The following ATP6V0A1 variants were observed in gnomAD, a reference collection of about 807,000 sequenced individuals.
ATP6V0A1 encodes V-type proton ATPase 116 kDa subunit a 1.
Under a neutral mutation model 105.4 loss-of-function variants are expected in ATP6V0A1, and 43 were observed. The observed-to-expected ratio is 0.41, with a 90% CI of 0.32 to 0.53. The LOEUF is 0.53. Ranked by LOEUF, ATP6V0A1 falls within the 20% of genes least tolerant of loss-of-function variation. The pLI is 0.30. For synonymous variants in ATP6V0A1, 362 were observed against 372.8 expected (o/e 0.97, Z 0.33); for missense variants, 676 against 1,051.1 (o/e 0.64, Z 4.93).
chr17:42,480,524 G>A (rs2089358562), intron 7 of ATP6V0A1, 143 bp from the exon 8 acceptor site: 2 of 623,304 alleles, frequency 3.2e-6, no homozygotes, highest in Non-Finnish European at 5.4e-6. Flanking sequence ...AGGAAATGGA[G>A]TGAGGGCAGT....
chr17:42,503,269 C>T (rs2091814292), intron 17 of ATP6V0A1, among the ~76,000 whole-genome samples: 2 of 152,192 alleles, frequency 1.3e-5, no homozygotes, highest in African/African-American at 2.4e-5. Flanking sequence ...ATTGATTTCC[C>T]TGCACTTTAG....
chr17:42,513,305 T>A (rs2092441206), intron 19 of ATP6V0A1: 1 of 152,686 alleles, frequency 6.5e-6, no homozygotes, highest in African/African-American at 2.4e-5. Flanking sequence ...TCTTTAGAAG[T>A]CACAAAAGAA....
chr17:42,467,979 A>C (rs375046872), intron 3 of ATP6V0A1, 31 bp from the exon 4 acceptor site: 32 of 1,481,098 alleles, frequency 2.2e-5, no homozygotes, highest in Middle Eastern at 1.7e-4. Context: ...ATGTGCAGTT[A>C]GACATGAATG....
Position 42,499,016 on chromosome 17 carries a change from A to C in ATP6V0A1, c.1653A>C (p.Gly551=), listed in dbSNP as rs1450527796. ...TTGGTATCATCCATATGCTGTTTGG[A>C]GTCAGCCTGAGTCTGTTCAACCATA... ...VILGIIHMLF[G]VSLSLFNHIY... Residue 551 remains glycine, a synonymous_variant, in exon 15 of 22, where the codon GGA becomes GGC. Coordinates refer to ENST00000343619, the MANE Select transcript of ATP6V0A1 (RefSeq NM_001130021.3). 1 of 1,609,850 alleles carries C rather than the reference A, an allele frequency of 6.2e-7. No individual in the cohort carries two copies. Among genetic ancestry groups the C allele is most frequent in the South Asian group, 1.1e-5 (1 of 90,964 alleles).
Position 42,480,712 on chromosome 17 carries a change from G to A in ATP6V0A1, c.679G>A (p.Asp227Asn), listed in dbSNP as rs764929128. Residue 227 changes from aspartate to asparagine, a missense_variant, in exon 8 of 22, where the codon GAT (aspartate) becomes AAT (asparagine). By Grantham distance (23) the Asp-to-Asn change is conservative. This residue lies in a region of ATP6V0A1 where 239 missense variants were observed against 388.4 expected (regional missense o/e 0.62). Coordinates refer to ENST00000343619, the MANE Select transcript of ATP6V0A1 (RefSeq NM_001130021.3). ...KSVFIIFFQGDQLKNRVKKIC... is the reference protein window; with the variant it reads ...KSVFIIFFQGNQLKNRVKKIC... ...TGTGTTTATCATTTTCTTCCAAGGC[G>A]ATCAGCTGAAAAACAGAGTCAAGAA... 6.2e-6 allele frequency: 10 copies of A among 1,613,722 alleles called. No homozygotes were observed. The highest frequency in any genetic ancestry group is 3.3e-5 in the Admixed American group (2 of 59,966).
intron 2 of ATP6V0A1, among the ~76,000 whole-genome samples, 167 bp from the exon 3 acceptor site, chr17:42,466,262 T>C (rs2087047349): frequency 6.6e-6 from 1 of 152,224 alleles, no homozygotes. Context: ...CCTTAGCTGG[T>C]GTGACTGGCC....
chr17:42,463,641 T>G (rs1195817010), intron 2 of ATP6V0A1, among the ~76,000 whole-genome samples: 2 of 152,116 alleles, frequency 1.3e-5, no homozygotes, highest in African/African-American at 4.8e-5. Context: ...ATAAAAGTCT[T>G]TTTTTTAGTT....
At chr17:42,464,250 G>A (rs990690976) in intron 2 of ATP6V0A1, among the ~76,000 whole-genome samples, 4 of 152,074 alleles carry the variant, frequency 2.6e-5, no homozygotes, top group Non-Finnish European at 5.9e-5. Context: ...GTTTGTGTCC[G>A]TCTCTTCTGT....
intron 2 of ATP6V0A1, among the ~76,000 whole-genome samples, chr17:42,462,900 A>G (rs2086596873): frequency 6.6e-6 from 1 of 151,510 alleles, no homozygotes; most frequent in South Asian, 2.1e-4. Flanking sequence ...GGTGTGAGCC[A>G]CTGTGCCTGG....
chr17:42,517,349 TC>T (rs996251845), intron 21 of ATP6V0A1, among the ~76,000 whole-genome samples: 3 of 151,474 alleles, frequency 2.0e-5, no homozygotes, highest in African/African-American at 7.3e-5. Flanking sequence ...CTGCCTGGGG[TC>T]CCCCATAAAA....
At chr17:42,503,531 T>G (rs2091836769) in intron 17 of ATP6V0A1, among the ~76,000 whole-genome samples, 1 of 152,212 alleles carries the variant, frequency 6.6e-6, no homozygotes, top group Admixed American at 6.5e-5. Flanking sequence ...TAACAGCACT[T>G]TGAATATTTG....
chr17:42,509,077 A>G (rs1433644352), intron 19 of ATP6V0A1, among the ~76,000 whole-genome samples: 4 of 150,278 alleles, frequency 2.7e-5, no homozygotes, highest in African/African-American at 4.9e-5. Flanking sequence ...TGATGCTTCA[A>G]CTTAGAAGTG....
At chr17:42,491,908 G>A (rs928359236) in intron 11 of ATP6V0A1, among the ~76,000 whole-genome samples, 68 of 152,322 alleles carry the variant, frequency 4.5e-4, no homozygotes, top group Admixed American at 1.0e-3. Flanking sequence ...GCTGGGTGGC[G>A]TGAGCCACTG....
chr17:42,484,847 CTTTTCT>C (rs1216671571), intron 9 of ATP6V0A1, among the ~76,000 whole-genome samples: 27 of 111,742 alleles, frequency 2.4e-4, no homozygotes, highest in African/African-American at 5.7e-4. Context: ...TTTTTCTTTT[CTTTTCT>C]TTTTTTTTTT....
chr17:42,492,868 A>G lies in ATP6V0A1; in HGVS notation c.1175-1466A>G, dbSNP rs576675115. Among the ~76,000 whole-genome samples, 150 of 152,024 alleles carry G rather than the reference A, an allele frequency of 9.9e-4. 1 individual carries two copies. Among genetic ancestry groups the G allele is most frequent in the African/African-American group, 3.5e-3 (144 of 41,438 alleles). On this transcript the variant is annotated intron_variant, in intron 11 of 21. Coordinates refer to ENST00000343619, the MANE Select transcript of ATP6V0A1 (RefSeq NM_001130021.3). The stretch of plus-strand genomic sequence containing the variant: ...CTATCTCTACTAAAAATACAAGAAA[A>G]TTAGCCAGGCCTGGTGGTGCATGCC...
intron 19 of ATP6V0A1, 107 bp from the exon 20 acceptor site, chr17:42,513,754 G>A: frequency 9.5e-7 from 1 of 1,049,264 alleles, no homozygotes; most frequent in Non-Finnish European, 1.5e-6. Context: ...GGGAAGTGCA[G>A]TCCCCTGCCC....
In ATP6V0A1 at chr17:42,501,201, G is replaced by A. The variant is rs755663014; in HGVS notation, c.1901G>A (p.Gly634Glu). Residue 634 changes from glycine (G) to glutamate (E), a missense_variant, in exon 17 of 22, where the codon GGA becomes GAA. Coordinates refer to ENST00000343619, the MANE Select transcript of ATP6V0A1 (RefSeq NM_001130021.3). ...GTCCTTCTTCTTACTCTGCAGAAAG[G>A]AATTCAGTGTTTCCTGGTAGTGGTT... ...GYSMLYSGQK[G>E]IQCFLVVVAL... 6.2e-7 allele frequency: 1 copy of A among 1,612,376 alleles called. No homozygotes were observed. The highest frequency in any genetic ancestry group is 2.2e-5 in the East Asian group (1 of 44,878).
At chr17:42,518,582 T>G (rs1461598075) in intron 21 of ATP6V0A1, 1 of 152,310 alleles carries the variant, frequency 6.6e-6, no homozygotes, top group African/African-American at 2.4e-5. Flanking sequence ...CCAAGACTCC[T>G]TCCTCCTTCA....
At chr17:42,469,873 C>T (rs573992958) in intron 4 of ATP6V0A1, among the ~76,000 whole-genome samples, 18 of 152,238 alleles carry the variant, frequency 1.2e-4, no homozygotes, top group African/African-American at 4.3e-4. Context: ...AACTCCTGAC[C>T]TCAAGTGATC....
Sources: allele counts gnomAD v4.1 joint callset (sites outside exome capture counted in the v4.1 genomes callset), GRCh38; gene constraint gnomAD v4.1.1; regional missense constraint gnomAD v4.1.1; transcripts MANE v1.5; gene names NCBI Gene and HGNC (gene_info 2026-07-23, HGNC 2026-07-21).